The following ATXN8OS variants were observed in gnomAD, a reference collection of about 807,000 sequenced individuals.
The protein encoded by ATXN8OS is ATXN8 opposite strand lncRNA.
chr13:70,109,712 A>C (rs964295296), intron 1 of ATXN8OS, among the ~76,000 whole-genome samples: 18 of 152,144 alleles, frequency 1.2e-4, no homozygotes, highest in African/African-American at 4.3e-4. Context: ...TTGTTTATTA[A>C]GCAAAAAACC....
intron 4 of ATXN8OS, among the ~76,000 whole-genome samples, chr13:70,160,652 C>T (rs9542194): frequency 0.013 from 512 of 40,288 alleles, 125 homozygotes; most frequent in South Asian, 0.038. Context: ...GAAGTTTATA[C>T]AAAACAAAAT....
chr13:70,146,079 C>CT (rs1888782397), intron 3 of ATXN8OS, among the ~76,000 whole-genome samples: 1 of 102,492 alleles, frequency 9.8e-6, no homozygotes, highest in South Asian at 3.5e-4. Flanking sequence ...AAAAAAAAAA[C>CT]AACCCCATCA....
At chr13:70,118,290 T>A (rs1888309718) in intron 2 of ATXN8OS, among the ~76,000 whole-genome samples, 1 of 152,216 alleles carries the variant, frequency 6.6e-6, no homozygotes, top group South Asian at 2.1e-4. Context: ...GACATTTCAC[T>A]AAGTAAATCT....
intron 4 of ATXN8OS, among the ~76,000 whole-genome samples, chr13:70,158,263 C>T (rs1888961552): frequency 6.6e-6 from 1 of 152,000 alleles, no homozygotes; most frequent in Non-Finnish European, 1.5e-5. Flanking sequence ...ACTAAAAATA[C>T]AAAAATTAGC....
At chr13:70,160,035 G>C (rs1888984989) in intron 4 of ATXN8OS, among the ~76,000 whole-genome samples, 1 of 151,944 alleles carries the variant, frequency 6.6e-6, no homozygotes, top group Non-Finnish European at 1.5e-5. Context: ...ATTTATCTAG[G>C]GTGGATACCT....
intron 2 of ATXN8OS, among the ~76,000 whole-genome samples, chr13:70,123,897 G>A (rs941732044): frequency 2.6e-5 from 4 of 151,908 alleles, no homozygotes; most frequent in East Asian, 1.9e-4. Context: ...CAGTTCAATC[G>A]CTAAAATGTC....
chr13:70,171,653 G>A (rs1045003421), exon 5 of ATXN8OS, among the ~76,000 whole-genome samples: 16 of 152,002 alleles, frequency 1.1e-4, no homozygotes, highest in African/African-American at 2.9e-4. Context: ...TGATGTGAAC[G>A]ATGACTGTAT....
At chr13:70,169,370 C>T (rs956609530) in intron 4 of ATXN8OS, among the ~76,000 whole-genome samples, 4 of 152,078 alleles carry the variant, frequency 2.6e-5, no homozygotes, top group Non-Finnish European at 4.4e-5. Context: ...GATCTTGGCT[C>T]ACTGCAACCT....
chr13:70,124,286 A>G (rs984268533), intron 2 of ATXN8OS, among the ~76,000 whole-genome samples: 1 of 152,162 alleles, frequency 6.6e-6, no homozygotes, highest in South Asian at 2.1e-4. Flanking sequence ...GATGCTTTAT[A>G]GCACTTACAT....
chr13:70,129,519 C>T (rs1888497486), intron 2 of ATXN8OS, among the ~76,000 whole-genome samples: 1 of 151,964 alleles, frequency 6.6e-6, no homozygotes, highest in East Asian at 1.9e-4. Context: ...GATGAGTCCT[C>T]CCTATCTTGT....
At chr13:70,117,575 CCTA>C (rs1369763177) in intron 2 of ATXN8OS, among the ~76,000 whole-genome samples, 1 of 152,044 alleles carries the variant, frequency 6.6e-6, no homozygotes, top group Non-Finnish European at 1.5e-5. Flanking sequence ...CTCCTAGTTG[CCTA>C]CTGACTGGAA....
chr13:70,111,786 C>T (rs538624524), intron 1 of ATXN8OS, among the ~76,000 whole-genome samples: 2 of 152,198 alleles, frequency 1.3e-5, no homozygotes, highest in African/African-American at 2.4e-5. Flanking sequence ...TCTGCAATGC[C>T]TAGAAATTTC....
At chr13:70,133,014 C>T (rs900879376) in intron 3 of ATXN8OS, among the ~76,000 whole-genome samples, 33 of 152,200 alleles carry the variant, frequency 2.2e-4, no homozygotes, top group African/African-American at 7.7e-4. Flanking sequence ...GACTAATATT[C>T]AACCCTTAAA....
intron 2 of ATXN8OS, among the ~76,000 whole-genome samples, chr13:70,125,165 TTA>T (rs1888413395): frequency 6.6e-6 from 1 of 152,158 alleles, no homozygotes; most frequent in Non-Finnish European, 1.5e-5. Context: ...CTGTAACTCA[TTA>T]TCTTTGTATC....
chr13:70,161,401 A>G (rs749314022), intron 4 of ATXN8OS, among the ~76,000 whole-genome samples: 80 of 152,142 alleles, frequency 5.3e-4, no homozygotes, highest in Non-Finnish European at 8.4e-4. Context: ...TATTTTTGTT[A>G]GTAGATGTCA....
chr13:70,126,202 T>C (rs186841861), intron 2 of ATXN8OS, among the ~76,000 whole-genome samples: 2 of 152,258 alleles, frequency 1.3e-5, no homozygotes, highest in East Asian at 3.9e-4. Context: ...TTTCAATATT[T>C]CCAAAAGTTT....
chr13:70,140,621 T>C (rs1280746196), intron 3 of ATXN8OS, among the ~76,000 whole-genome samples: 2 of 152,062 alleles, frequency 1.3e-5, no homozygotes, highest in Non-Finnish European at 2.9e-5. Context: ...ATAGAATGTC[T>C]TCACCCAATT....
intron 4 of ATXN8OS, among the ~76,000 whole-genome samples, chr13:70,153,549 C>T (rs958320650): frequency 7.9e-5 from 12 of 151,838 alleles, no homozygotes; most frequent in African/African-American, 1.5e-4. Context: ...CACTCCAGCC[C>T]GGGCAACAGT....
intron 4 of ATXN8OS, among the ~76,000 whole-genome samples, chr13:70,149,498 G>A (rs770735334): frequency 6.6e-6 from 1 of 152,078 alleles, no homozygotes; most frequent in Non-Finnish European, 1.5e-5. Context: ...AATGAATGGA[G>A]CAGAATTACC....
Sources: gnomAD v4.1 joint callset for allele counts (sites outside exome capture counted in the v4.1 genomes callset) on GRCh38, gnomAD v4.1.1 for gene constraint, MANE v1.5 for transcripts, NCBI Gene and HGNC (gene_info 2026-07-23, HGNC 2026-07-21) for gene names.